GARRE1: variants seen among roughly 807,000 people sequenced by gnomAD.
GARRE1 encodes the protein granule associated Rac and RHOG effector 1.
Under a neutral mutation model 103.2 loss-of-function variants are expected in GARRE1, and 49 were observed. The observed-to-expected ratio is 0.47, with a 90% confidence interval of 0.38 to 0.60. The LOEUF (loss-of-function observed/expected upper bound fraction) is 0.60. GARRE1 is among the 20% of genes least tolerant of loss of function. GARRE1 has a pLI of 0.00. For synonymous variants in GARRE1, 505 were observed against 532.8 expected (o/e 0.95, Z 0.72); for missense variants, 1,199 against 1,370.5 (o/e 0.87, Z 1.98).
rs1382062756 is a variant in GARRE1, at chr19:34,325,127, C to G, written c.706-2294C>G. 3.3e-5 allele frequency among the ~76,000 whole-genome samples: 5 copies of G among 152,170 alleles called. No homozygotes were observed. The East Asian group carries it at 9.6e-4, about 29-fold the overall frequency. ...CAGCTTGTGACATCCAAGAACCAAC[C>G]TTTCTTTCCTCTTGGGTCATCCTTT... On this transcript the variant is annotated intron_variant, in intron 3 of 13. Transcript: ENST00000299505.
intron 3 of GARRE1, among the ~76,000 whole-genome samples, chr19:34,326,750 G>T (rs1027522345): frequency 6.6e-5 from 10 of 151,476 alleles, no homozygotes; most frequent in Non-Finnish European, 1.5e-4. Context: ...TCTTTTTAAA[G>T]CAGGAAAGTT....
intron 1 of GARRE1, among the ~76,000 whole-genome samples, chr19:34,261,746 G>A (rs867883905): frequency 6.6e-6 from 1 of 152,138 alleles, no homozygotes; most frequent in Non-Finnish European, 1.5e-5. Context: ...TATGAATAAG[G>A]AGTAGAGGGA....
chr19:34,347,825 C>T (rs935242774), intron 10 of GARRE1, 52 bp from the exon 11 acceptor site: 1 of 1,448,502 alleles, frequency 6.9e-7, no homozygotes, highest in Non-Finnish European at 9.2e-7. Flanking sequence ...TAGGGAAGGA[C>T]CAAGAGGCCA....
chr19:34,305,041 C>T (rs1364895709), intron 2 of GARRE1, among the ~76,000 whole-genome samples: 1 of 152,154 alleles, frequency 6.6e-6, no homozygotes, highest in Non-Finnish European at 1.5e-5. Context: ...ATCCGCCCGT[C>T]TCGGCCTCCC....
At chr19:34,288,569 C>T (rs908240558) in intron 1 of GARRE1, among the ~76,000 whole-genome samples, 2 of 152,192 alleles carry the variant, frequency 1.3e-5, no homozygotes, top group African/African-American at 4.8e-5. Flanking sequence ...TGTATTTTCC[C>T]CTACATTTCT....
intron 2 of GARRE1, 140 bp from the exon 3 acceptor site, chr19:34,319,766 AG>A (rs149401501): frequency 0.16 from 115,760 of 716,090 alleles, 11,052 homozygotes; most frequent in Non-Finnish European, 0.2. Flanking sequence ...ATCCTTCTGA[AG>A]CATGGTGGCC....
intron 1 of GARRE1, among the ~76,000 whole-genome samples, chr19:34,271,625 C>T (rs541983837): frequency 1.3e-5 from 2 of 151,994 alleles, no homozygotes; most frequent in South Asian, 2.1e-4. Context: ...TTTTGGGAGC[C>T]GAGGCAGAAG....
intron 2 of GARRE1, among the ~76,000 whole-genome samples, chr19:34,315,512 C>A (rs1344451819): frequency 6.6e-6 from 1 of 152,028 alleles, no homozygotes; most frequent in Admixed American, 6.6e-5. Flanking sequence ...GAGATCAAGA[C>A]CATCCTGGCT....
intron 1 of GARRE1, among the ~76,000 whole-genome samples, chr19:34,296,039 A>G (rs2073944948): frequency 6.6e-6 from 1 of 152,190 alleles, no homozygotes; most frequent in Non-Finnish European, 1.5e-5. Flanking sequence ...TCCTTATGCC[A>G]GTATTTCACT....
At chr19:34,286,290 G>A (rs2073885633) in intron 1 of GARRE1, among the ~76,000 whole-genome samples, 2 of 149,762 alleles carry the variant, frequency 1.3e-5, no homozygotes, top group African/African-American at 2.5e-5. Context: ...CATGATTTCG[G>A]CTCACTGCAA....
Position 34,341,661 on chromosome 19 carries a change from A to C in GARRE1, c.1727A>C (p.Glu576Ala), listed in dbSNP as rs780191306. The C allele has an allele frequency of 3.4e-5, 55 of 1,614,238 alleles. No homozygotes were observed. The highest frequency in any genetic ancestry group is 3.4e-5 in the Non-Finnish European group (40 of 1,180,042). The change falls in exon 10 of 14, where the codon GAG (glutamate) becomes GCG (alanine). Residue 576 changes from glutamate (E) to alanine (A), a missense_variant. Coordinates refer to ENST00000299505, the MANE Select transcript of GARRE1 (RefSeq NM_014686.5). ...ATCTTCATAGCTGGATGTTCCGAAGAGAAGGCCAAAATGCCTGGCAATATT... is the reference window on the plus strand; with the variant it reads ...ATCTTCATAGCTGGATGTTCCGAAGCGAAGGCCAAAATGCCTGGCAATATT... ...KNIFIAGCSE[E>A]KAKMPGNIDT...
At chr19:34,350,356 G>A (rs117876758) in intron 12 of GARRE1, among the ~76,000 whole-genome samples, 6,226 of 152,196 alleles carry the variant, frequency 0.041, 189 homozygotes, top group Admixed American at 0.11. Context: ...AGTTTGAACC[G>A]GGGGTGGAGT....
At chr19:34,289,798 T>C (rs989852045) in intron 1 of GARRE1, among the ~76,000 whole-genome samples, 1 of 152,194 alleles carries the variant, frequency 6.6e-6, no homozygotes, top group African/African-American at 2.4e-5. Flanking sequence ...CATAGCTTGA[T>C]CTGTCTGCCA....
intron 1 of GARRE1, among the ~76,000 whole-genome samples, chr19:34,290,387 A>G (rs984182855): frequency 6.6e-6 from 1 of 152,114 alleles, no homozygotes; most frequent in African/African-American, 2.4e-5. Flanking sequence ...AATGCATTTA[A>G]TATTCCTAAT....
intron 1 of GARRE1, among the ~76,000 whole-genome samples, chr19:34,276,684 A>G (rs1180278943): frequency 6.6e-6 from 1 of 152,196 alleles, no homozygotes; most frequent in Non-Finnish European, 1.5e-5. Context: ...AAGGTCACAG[A>G]TACCGCAGCC....
At chr19:34,262,502 G>A (rs75788816) in intron 1 of GARRE1, among the ~76,000 whole-genome samples, 1 of 151,426 alleles carries the variant, frequency 6.6e-6, no homozygotes, top group Non-Finnish European at 1.5e-5. Flanking sequence ...CACCATATTG[G>A]CTAGGCTGGT....
At position 34,315,710 on chromosome 19, in the gene GARRE1, C is replaced by CAAAA. The variant is rs35321775; in HGVS notation, c.496-4178_496-4175dup. 2.5e-3 allele frequency among the ~76,000 whole-genome samples: 157 copies of CAAAA among 62,108 alleles called. 1 individual carries two copies. The highest frequency in any genetic ancestry group is 3.2e-3 in the South Asian group (4 of 1,252). The allele number at this position is 62,108 out of a possible 152,430, so 40.7% of individuals were successfully genotyped here. A position where few individuals can be genotyped will look rare whatever the true frequency, so the allele number is the denominator to read the frequency against. ...TGGGCAACAGAGCAAGACTCTGTCTCAAAAAAAAAAAAAAAAAAAAAAGGG... is the reference window on the plus strand; with the variant it reads ...TGGGCAACAGAGCAAGACTCTGTCTCAAAAAAAAAAAAAAAAAAAAAAAAAAGGG... On this transcript the variant is annotated intron_variant, in intron 2 of 13. Coordinates refer to ENST00000299505, the MANE Select transcript of GARRE1 (RefSeq NM_014686.5).
chr19:34,279,683 A>T lies in GARRE1; in HGVS notation c.-795-19996A>T, dbSNP rs182862572. On this transcript the variant is annotated intron_variant, in intron 1 of 13. Transcript: ENST00000299505. ...AGAAATACTTGAGACTGGGTAATTT[A>T]TAAACAAAAGTGGTTTAATTGGCCG... is the stretch of plus-strand genomic sequence containing the variant. Among the ~76,000 whole-genome samples, 341 of 152,312 alleles carry T rather than the reference A, an allele frequency of 2.2e-3. 4 individuals are homozygous for T. The highest frequency in any genetic ancestry group is 7.4e-3 in the African/African-American group (307 of 41,570).
At chr19:34,307,314 G>T (rs2074011527) in intron 2 of GARRE1, among the ~76,000 whole-genome samples, 1 of 152,102 alleles carries the variant, frequency 6.6e-6, no homozygotes, top group Non-Finnish European at 1.5e-5. Context: ...ATACTGGGTA[G>T]CTCCAGGGCT....
Sources: allele counts gnomAD v4.1 joint callset (sites outside exome capture counted in the v4.1 genomes callset), GRCh38; gene constraint gnomAD v4.1.1; transcripts MANE v1.5; gene names NCBI Gene and HGNC (gene_info 2026-07-23, HGNC 2026-07-21).